TBC1D15: variants seen among roughly 807,000 people sequenced by gnomAD.
The protein encoded by TBC1D15 is GAP for RAB7.
In TBC1D15, 39 loss-of-function variants were observed where a neutral mutation model predicts 95.4. The ratio of observed to expected loss-of-function variants is 0.41; its 90% CI spans 0.32 to 0.53. The LOEUF (loss-of-function observed/expected upper bound fraction) is 0.53. Ranked by LOEUF, TBC1D15 falls within the 20% of genes least tolerant of loss-of-function variation. The pLI, the probability that TBC1D15 is intolerant of heterozygous loss-of-function variation, is 0.29. For synonymous variants in TBC1D15, 258 were observed against 261.3 expected (o/e 0.99, Z 0.12); for missense variants, 733 against 794.3 (o/e 0.92, Z 0.93).
intron 12 of TBC1D15, among the ~76,000 whole-genome samples, chr12:71,917,444 A>G (rs981994884): frequency 3.1e-4 from 47 of 152,292 alleles, no homozygotes; most frequent in African/African-American, 1.1e-3. Flanking sequence ...TGCAGTTGCT[A>G]TGTCTGCATT....
At chr12:71,912,332 A>G (rs928751871) in intron 11 of TBC1D15, among the ~76,000 whole-genome samples, 1 of 152,148 alleles carries the variant, frequency 6.6e-6, no homozygotes, top group Non-Finnish European at 1.5e-5. Context: ...TAATAATTGG[A>G]TGTCCTCCAT....
intron 1 of TBC1D15, among the ~76,000 whole-genome samples, chr12:71,858,854 G>A (rs922028869): frequency 4.6e-5 from 7 of 152,002 alleles, no homozygotes; most frequent in African/African-American, 1.7e-4. Context: ...ATCATGCCTG[G>A]CCACTGTTTT....
chr12:71,894,069 T>G (rs1897708249), intron 6 of TBC1D15, among the ~76,000 whole-genome samples: 1 of 152,026 alleles, frequency 6.6e-6, no homozygotes, highest in Admixed American at 6.6e-5. Flanking sequence ...TAACTGTTTT[T>G]GCTAAATATG....
rs1890294933 is a variant in TBC1D15 at position 71,861,216 on chromosome 12, T to C, written c.31-10854T>C. Among the ~76,000 whole-genome samples, 4 of 152,162 alleles carry C rather than the reference T, an allele frequency of 2.6e-5. No individual in the cohort carries two copies. In the South Asian group the frequency reaches 8.3e-4, roughly 31 times the overall value. On this transcript the variant is annotated intron_variant, in intron 1 of 16. Coordinates refer to ENST00000485960, the MANE Select transcript of TBC1D15 (RefSeq NM_001146213.3). ...TTTTGGTATTAGGGTAATGCTGCCC[T>C]TATACAATGAGTTTGGAAAAATTGT...
chr12:71,890,051 GT>G (rs2138623975), intron 5 of TBC1D15, among the ~76,000 whole-genome samples: 2 of 152,032 alleles, frequency 1.3e-5, no homozygotes, highest in African/African-American at 4.8e-5. Flanking sequence ...ACTGATGGGC[GT>G]TTATGTTTAT....
Position 71,844,222 on chromosome 12 carries a change from C to T in TBC1D15, c.30+4411C>T, listed in dbSNP as rs572279366. Among the ~76,000 whole-genome samples the T allele has an allele frequency of 9.8e-5, 15 of 152,330 alleles. 1 individual carries two copies. The South Asian group carries it at 3.1e-3, about 32-fold the overall frequency. ...AGCTGTTCGTTCTTGGCCCTGCAGC[C>T]ACTTTATTGGCTTAGAAAAGGCAAA... On this transcript the variant is annotated intron_variant, in intron 1 of 16. Coordinates refer to ENST00000485960, the MANE Select transcript of TBC1D15 (RefSeq NM_001146213.3).
Position 71,865,198 on chromosome 12 carries a change from A to C in TBC1D15, c.31-6872A>C, listed in dbSNP as rs192351231. Reference sequence around the variant, plus strand: ...TTTTGTCATCTGGGTCTTGGGATGCAGGTTTGCCTGCTCTGGCTGTGTTGG... The same window carrying C: ...TTTTGTCATCTGGGTCTTGGGATGCCGGTTTGCCTGCTCTGGCTGTGTTGG... On this transcript the variant is annotated intron_variant, in intron 1 of 16. Transcript: ENST00000485960. Among the ~76,000 whole-genome samples, 3 of 152,242 alleles carry C rather than the reference A, an allele frequency of 2.0e-5. No homozygotes were observed. In the East Asian group the frequency reaches 5.8e-4, roughly 29 times the overall value.
intron 10 of TBC1D15, among the ~76,000 whole-genome samples, chr12:71,906,797 A>C (rs1259674981): frequency 1.3e-5 from 2 of 152,202 alleles, no homozygotes; most frequent in Admixed American, 6.5e-5. Context: ...ATAATTGAAA[A>C]ATATTTTAAA....
intron 7 of TBC1D15, 83 bp downstream of exon 7, chr12:71,894,966 A>T (rs908988558): frequency 4.3e-5 from 57 of 1,313,254 alleles, no homozygotes; most frequent in Middle Eastern, 2.0e-4. Context: ...AATTTTGGTG[A>T]TATCTGCTTC....
intron 8 of TBC1D15, 113 bp from the exon 9 acceptor site, chr12:71,896,564 C>G (rs1898225197): frequency 2.5e-6 from 2 of 805,982 alleles, no homozygotes; most frequent in Non-Finnish European, 4.0e-6. Context: ...GAACTATTTA[C>G]ATATATGAAA....
At chr12:71,857,635 T>C (rs1349570008) in intron 1 of TBC1D15, among the ~76,000 whole-genome samples, 1 of 152,244 alleles carries the variant, frequency 6.6e-6, no homozygotes, top group Non-Finnish European at 1.5e-5. Flanking sequence ...TAATCTGATA[T>C]ATGTATATAA....
At chr12:71,918,362 G>C in intron 13 of TBC1D15, 89 bp from the exon 14 acceptor site, 1 of 788,094 alleles carries the variant, frequency 1.3e-6, no homozygotes, top group Non-Finnish European at 2.0e-6. Context: ...AATTGCCTAA[G>C]ATGCATAGGA....
chr12:71,849,155 T>A (rs1887090186), intron 1 of TBC1D15: 2 of 276,136 alleles, frequency 7.2e-6, no homozygotes, highest in Non-Finnish European at 6.5e-6. Flanking sequence ...AGAAGTTAAC[T>A]GTGATTATAA....
intron 4 of TBC1D15, among the ~76,000 whole-genome samples, chr12:71,883,868 T>C (rs1479953634): frequency 6.6e-6 from 1 of 152,178 alleles, no homozygotes; most frequent in Non-Finnish European, 1.5e-5. Flanking sequence ...TTAGTGAGAA[T>C]AAATAGTTTT....
chr12:71,888,626 A>G (rs1159693365), intron 5 of TBC1D15, among the ~76,000 whole-genome samples: 2 of 152,156 alleles, frequency 1.3e-5, no homozygotes, highest in Non-Finnish European at 2.9e-5. Flanking sequence ...AGGACAGGCC[A>G]CTGAGGATGT....
chr12:71,841,561 A>G (rs1885011764), intron 1 of TBC1D15, among the ~76,000 whole-genome samples: 1 of 152,218 alleles, frequency 6.6e-6, no homozygotes. Context: ...CATGTTAAAC[A>G]TACTTGGAGG....
chr12:71,889,516 C>CTCCAAGTAGTAGAATAAAGCTAT (rs557158169), intron 5 of TBC1D15, among the ~76,000 whole-genome samples: 2 of 152,142 alleles, frequency 1.3e-5, no homozygotes, highest in Non-Finnish European at 2.9e-5. Context: ...ATTTTATAGA[C>CTCCAAGTAGTAGAATAAAGCTAT]TCCAAGTAGT....
rs1035089178 is a variant in TBC1D15 at position 71,896,837 on chromosome 12, A to G, written c.1088+57A>G. The G allele has an allele frequency of 5.9e-6, 8 of 1,362,278 alleles. No homozygotes were observed. In the South Asian group the frequency reaches 6.3e-5, roughly 11 times the overall value. The allele number at this position is 1,362,278 out of a possible 1,614,324, so 84.4% of individuals were successfully genotyped here. A position where few individuals can be genotyped will look rare whatever the true frequency, so the allele number is the denominator to read the frequency against. ...GAGATTCAAGTAACCCACTCATACAAATTAGTATAGGGTTTCTAGATGAGG... is the reference window on the plus strand; with the variant it reads ...GAGATTCAAGTAACCCACTCATACAGATTAGTATAGGGTTTCTAGATGAGG... On this transcript the variant is annotated intron_variant, in intron 9 of 16. Transcript: ENST00000485960.
At chr12:71,896,846 A>C in intron 9 of TBC1D15, 66 bp downstream of exon 9, 2 of 1,230,182 alleles carry the variant, frequency 1.6e-6, no homozygotes, top group Non-Finnish European at 2.3e-6. Context: ...AAATTAGTAT[A>C]GGGTTTCTAG....
Sources: gnomAD v4.1 joint callset for allele counts (sites outside exome capture counted in the v4.1 genomes callset) on GRCh38, gnomAD v4.1.1 for gene constraint, MANE v1.5 for transcripts, NCBI Gene and HGNC (gene_info 2026-07-23, HGNC 2026-07-21) for gene names.